KLF12: variants seen among roughly 807,000 people sequenced by gnomAD.
KLF12 encodes the protein Krueppel-like factor 12.
KLF12 carries 9 observed loss-of-function variants against 37.8 expected under a neutral mutation model. That is an observed-to-expected ratio of 0.24 (90% CI 0.14 to 0.42). The LOEUF (loss-of-function observed/expected upper bound fraction) is 0.42, where lower values mean the gene tolerates loss of function less well. Among genes scored for constraint, KLF12 ranks in the 10% least tolerant of loss-of-function variants. KLF12 has a pLI of 1.00. For synonymous variants in KLF12, 208 were observed against 202.1 expected, an observed-to-expected ratio of 1.03 and a Z score of -0.25; for missense variants, 411 against 516.0, an observed-to-expected ratio of 0.80 and a Z score of 1.97.
intron 2 of KLF12, among the ~76,000 whole-genome samples, chr13:73,970,267 C>T (rs1891292482): frequency 1.3e-5 from 2 of 152,022 alleles, no homozygotes; most frequent in South Asian, 4.2e-4. Flanking sequence ...CTATAATCTA[C>T]TTAAGTTTTT....
chr13:73,971,786 T>C (rs958935302), intron 2 of KLF12, among the ~76,000 whole-genome samples: 7 of 152,134 alleles, frequency 4.6e-5, no homozygotes, highest in African/African-American at 1.7e-4. Flanking sequence ...TACTACCACT[T>C]TGGGAGGCTA....
chr13:73,835,318 C>T (rs1884374871), intron 4 of KLF12, among the ~76,000 whole-genome samples: 1 of 152,060 alleles, frequency 6.6e-6, no homozygotes, highest in Non-Finnish European at 1.5e-5. Flanking sequence ...CAGTTCATGT[C>T]ATTTTAAAAT....
chr13:73,720,955 A>T (rs1036867912), intron 6 of KLF12, among the ~76,000 whole-genome samples: 1 of 152,218 alleles, frequency 6.6e-6, no homozygotes, highest in Non-Finnish European at 1.5e-5. Flanking sequence ...CAGATTTAAA[A>T]ACCAGAGCAG....
At chr13:73,871,272 T>C (rs879488213) in intron 3 of KLF12, among the ~76,000 whole-genome samples, 7 of 152,182 alleles carry the variant, frequency 4.6e-5, no homozygotes, top group African/African-American at 1.7e-4. Context: ...GCTTCACAGC[T>C]ATGGTGGCGT....
intron 4 of KLF12, among the ~76,000 whole-genome samples, chr13:73,817,318 C>CAAAAA (rs749318816): frequency 1.9e-5 from 1 of 52,232 alleles, no homozygotes; most frequent in Non-Finnish European, 4.0e-5. Context: ...GATCCTGTTT[C>CAAAAA]AAAAAAAAAA....
intron 5 of KLF12, among the ~76,000 whole-genome samples, chr13:73,781,331 C>T (rs1409005120): frequency 2.6e-5 from 4 of 152,286 alleles, no homozygotes; most frequent in South Asian, 2.1e-4. Flanking sequence ...TTTATTGCAA[C>T]GTTTACTTCA....
chr13:74,066,640 C>G (rs1873933341), intron 1 of KLF12, among the ~76,000 whole-genome samples: 1 of 151,982 alleles, frequency 6.6e-6, no homozygotes, highest in African/African-American at 2.4e-5. Flanking sequence ...CTTTTATGAG[C>G]CCTTTAGATA....
chr13:73,780,606 C>A (rs1880906662), intron 5 of KLF12, among the ~76,000 whole-genome samples: 1 of 152,102 alleles, frequency 6.6e-6, no homozygotes, highest in Non-Finnish European at 1.5e-5. Context: ...CAGCCTCTGG[C>A]ATGTGCCACC....
the KLF12 span, among the ~76,000 whole-genome samples, chr13:74,180,524 A>G: frequency 6.6e-6 from 1 of 152,242 alleles, no homozygotes; most frequent in Non-Finnish European, 1.5e-5. Flanking sequence ...TATGTTTTAT[A>G]AGGTTCTTCA....
At chr13:74,238,847 CT>C in the KLF12 span, among the ~76,000 whole-genome samples, 1 of 151,916 alleles carries the variant, frequency 6.6e-6, no homozygotes, top group Non-Finnish European at 1.5e-5. Flanking sequence ...CTTTATTAGT[CT>C]TGCTAGCGGT....
intron 6 of KLF12, among the ~76,000 whole-genome samples, chr13:73,738,868 C>T (rs897447018): frequency 1.3e-5 from 2 of 152,180 alleles, no homozygotes; most frequent in African/African-American, 4.8e-5. Context: ...AGGCCCCACC[C>T]ATCTAACTGT....
chr13:74,032,181 T>C (rs1593844182), intron 1 of KLF12, among the ~76,000 whole-genome samples: 1 of 152,216 alleles, frequency 6.6e-6, no homozygotes, highest in Non-Finnish European at 1.5e-5. Context: ...CGATATGTAG[T>C]AGGAGCTTCC....
the KLF12 span, among the ~76,000 whole-genome samples, chr13:74,219,969 G>A: frequency 6.6e-6 from 1 of 152,000 alleles, no homozygotes; most frequent in Non-Finnish European, 1.5e-5. Flanking sequence ...ACCTTTAAAA[G>A]TCTAATGTGT....
At chr13:74,019,928 C>A (rs1043459156) in intron 1 of KLF12, among the ~76,000 whole-genome samples, 1 of 152,118 alleles carries the variant, frequency 6.6e-6, no homozygotes, top group Non-Finnish European at 1.5e-5. Context: ...ATTTCAAAAT[C>A]TTTAGGGATC....
chr13:74,178,108 GC>G, the KLF12 span, among the ~76,000 whole-genome samples: 1 of 152,134 alleles, frequency 6.6e-6, no homozygotes, highest in African/African-American at 2.4e-5. Context: ...TTTCAGTTCT[GC>G]CAGTTTTTAA....
chr13:74,239,220 G>A, the KLF12 span, among the ~76,000 whole-genome samples: 1 of 151,826 alleles, frequency 6.6e-6, no homozygotes, highest in Non-Finnish European at 1.5e-5. Flanking sequence ...TTCAGGAGCA[G>A]GTTGTTCATT....
At chr13:73,908,265 G>A (rs1888397183) in intron 3 of KLF12, among the ~76,000 whole-genome samples, 1 of 150,504 alleles carries the variant, frequency 6.6e-6, no homozygotes, top group South Asian at 2.1e-4. Flanking sequence ...GCTGGGCATG[G>A]TAGTGCGTGC....
At chr13:74,107,622 G>A (rs139855443) in intron 1 of KLF12, among the ~76,000 whole-genome samples, 39 of 152,244 alleles carry the variant, frequency 2.6e-4, no homozygotes, top group African/African-American at 8.2e-4. Flanking sequence ...TTAGAAACTA[G>A]AAATCAGGGA....
chr13:74,270,497 C>A, the KLF12 span, among the ~76,000 whole-genome samples: 1 of 152,170 alleles, frequency 6.6e-6, no homozygotes, highest in Non-Finnish European at 1.5e-5. Context: ...AATCACACAT[C>A]AGTGTGCTAC....
Sources: allele counts gnomAD v4.1 joint callset (sites outside exome capture counted in the v4.1 genomes callset), GRCh38; gene constraint gnomAD v4.1.1; transcripts MANE v1.5; gene names NCBI Gene and HGNC (gene_info 2026-07-23, HGNC 2026-07-21).